ZEB1: variants seen among roughly 807,000 people sequenced by gnomAD.
The protein encoded by ZEB1 is zinc finger E-box binding homeobox 1.
In ZEB1, 21 loss-of-function variants were observed where a neutral mutation model predicts 84.9. That is an observed-to-expected ratio of 0.25 (90% CI 0.18 to 0.36). The LOEUF (loss-of-function observed/expected upper bound fraction) is 0.36, where lower values mean the gene tolerates loss of function less well. Ranked by LOEUF, ZEB1 falls within the 10% of genes least tolerant of loss-of-function variation. The pLI is 1.00. For synonymous variants in ZEB1, 420 were observed against 471.1 expected (o/e 0.89, Z 1.41); for missense variants, 1,104 against 1,330.2 (o/e 0.83, Z 2.65).
At chr10:31,359,324 T>C (rs1235678616) in intron 1 of ZEB1, among the ~76,000 whole-genome samples, 1 of 152,092 alleles carries the variant, frequency 6.6e-6, no homozygotes, top group Non-Finnish European at 1.5e-5. Context: ...GCATTTTTCT[T>C]AAAGTAAAAT....
At chr10:31,382,154 G>T (rs948046429) in intron 1 of ZEB1, among the ~76,000 whole-genome samples, 6 of 151,532 alleles carry the variant, frequency 4.0e-5, no homozygotes, top group African/African-American at 1.5e-4. Flanking sequence ...CTCTGCCTCT[G>T]CTTGCATGCC....
intron 1 of ZEB1, among the ~76,000 whole-genome samples, chr10:31,333,878 A>G (rs2037366682): frequency 6.6e-6 from 1 of 152,078 alleles, no homozygotes; most frequent in African/African-American, 2.4e-5. Flanking sequence ...TATTCCTGAC[A>G]CTACTAACCA....
chr10:31,476,843 T>C (rs1319769864), intron 2 of ZEB1, among the ~76,000 whole-genome samples: 1 of 152,022 alleles, frequency 6.6e-6, no homozygotes, highest in Non-Finnish European at 1.5e-5. Context: ...CAGAAGAGGC[T>C]GTTGGTAAAA....
chr10:31,519,047 A>G (rs905895572), intron 6 of ZEB1, among the ~76,000 whole-genome samples: 3 of 152,166 alleles, frequency 2.0e-5, no homozygotes, highest in African/African-American at 7.2e-5. Context: ...TAAGTAGACA[A>G]ATCAGTGTCA....
intron 5 of ZEB1, among the ~76,000 whole-genome samples, chr10:31,512,331 T>A (rs983313516): frequency 3.3e-5 from 5 of 152,156 alleles, no homozygotes; most frequent in Non-Finnish European, 7.3e-5. Context: ...AAATCTTTGA[T>A]GAGCATGAAA....
intron 1 of ZEB1, among the ~76,000 whole-genome samples, chr10:31,345,544 C>T (rs1341141317): frequency 6.6e-6 from 1 of 152,036 alleles, no homozygotes; most frequent in African/African-American, 2.4e-5. Flanking sequence ...AAGACAAAAC[C>T]AAATCAACTG....
intron 1 of ZEB1, among the ~76,000 whole-genome samples, chr10:31,356,346 T>A (rs1414116585): frequency 7.3e-6 from 1 of 137,606 alleles, no homozygotes; most frequent in Non-Finnish European, 1.5e-5. Context: ...TGGACATATA[T>A]GATGTGTATA....
intron 1 of ZEB1, among the ~76,000 whole-genome samples, chr10:31,427,042 TCTTA>T (rs769625064): frequency 1.3e-5 from 2 of 152,124 alleles, no homozygotes; most frequent in African/African-American, 2.4e-5. Context: ...TTGTAGTCTC[TCTTA>T]CTTCTTGGGT....
At chr10:31,321,634 G>A in intron 1 of ZEB1, 2 of 1,571,328 alleles carry the variant, frequency 1.3e-6, no homozygotes, top group Non-Finnish European at 1.8e-6. Flanking sequence ...TGTGTGACAT[G>A]TGAGTCTGAA....
intron 4 of ZEB1, among the ~76,000 whole-genome samples, chr10:31,508,164 G>A (rs1413263202): frequency 6.6e-6 from 1 of 152,168 alleles, no homozygotes; most frequent in Non-Finnish European, 1.5e-5. Context: ...CATTCCTTGG[G>A]CCCTAGCAGT....
At position 31,527,364 on chromosome 10, in the gene ZEB1, C is replaced by T; in HGVS notation, c.*100C>T. On this transcript the variant is annotated 3_prime_UTR_variant, in exon 9 of 9. Coordinates refer to ENST00000424869, the MANE Select transcript of ZEB1 (RefSeq NM_001174096.2). ...ACACAGTAACCTGTATGCTGTGATT[C>T]CTGTTCACTACTGTGTAAAGTAAAA... is the stretch of plus-strand genomic sequence containing the variant. The T allele has an allele frequency of 6.8e-7, 1 of 1,480,210 alleles. No homozygotes were observed. The highest frequency in any genetic ancestry group is 9.1e-7 in the Non-Finnish European group (1 of 1,100,464). 91.7% of individuals were successfully genotyped at this position (1,480,210 alleles called of 1,614,324 possible).
chr10:31,411,593 C>T (rs2054276772), intron 1 of ZEB1, among the ~76,000 whole-genome samples: 1 of 141,826 alleles, frequency 7.1e-6, no homozygotes, highest in South Asian at 2.3e-4. Flanking sequence ...GATTGCGCCA[C>T]TGCAGTCCGC....
chr10:31,443,593 T>C (rs2059331248), intron 1 of ZEB1, among the ~76,000 whole-genome samples: 1 of 127,726 alleles, frequency 7.8e-6, no homozygotes, highest in Non-Finnish European at 1.6e-5. Flanking sequence ...CCCCAGAGTG[T>C]GATATTCCCC....
chr10:31,435,929 G>C (rs554742726), intron 1 of ZEB1, among the ~76,000 whole-genome samples: 1 of 152,292 alleles, frequency 6.6e-6, no homozygotes, highest in South Asian at 2.1e-4. Context: ...TAGTGGCATT[G>C]GTGCCTGGAG....
chr10:31,331,278 G>A lies in ZEB1; in HGVS notation c.58+11986G>A, dbSNP rs1258758831. Among the ~76,000 whole-genome samples the A allele has an allele frequency of 3.3e-5, 5 of 151,388 alleles. No homozygotes were observed. The East Asian group carries it at 9.7e-4, about 29-fold the overall frequency. ...ATTTTTTGTATTTTTAGTAGAGATGGGGTTTCACCGTGTTAGCCAGGATGG... is the reference window on the plus strand; with the variant it reads ...ATTTTTTGTATTTTTAGTAGAGATGAGGTTTCACCGTGTTAGCCAGGATGG... On this transcript the variant is annotated intron_variant, in intron 1 of 8. Transcript: ENST00000424869.
intron 1 of ZEB1, among the ~76,000 whole-genome samples, chr10:31,399,221 C>G (rs1370193636): frequency 6.6e-6 from 1 of 152,124 alleles, no homozygotes; most frequent in Non-Finnish European, 1.5e-5. Flanking sequence ...TTTTGAACTC[C>G]TGACCTCAGG....
At chr10:31,337,233 A>C (rs2038299284) in intron 1 of ZEB1, among the ~76,000 whole-genome samples, 1 of 152,284 alleles carries the variant, frequency 6.6e-6, no homozygotes, top group South Asian at 2.1e-4. Context: ...AGAACACGCA[A>C]AATTAAGTAA....
At chr10:31,351,737 TA>T (rs1199007191) in intron 1 of ZEB1, among the ~76,000 whole-genome samples, 1 of 152,186 alleles carries the variant, frequency 6.6e-6, no homozygotes. Flanking sequence ...AGAGGTTATC[TA>T]AAAATATTCC....
chr10:31,360,985 G>A, intron 1 of ZEB1: 1 of 1,606,182 alleles, frequency 6.2e-7, no homozygotes, highest in Admixed American at 1.7e-5. Context: ...GTGGGTTCTG[G>A]TGGAGATGGT....
Sources: gnomAD v4.1 joint callset for allele counts (sites outside exome capture counted in the v4.1 genomes callset) on GRCh38, gnomAD v4.1.1 for gene constraint, MANE v1.5 for transcripts, NCBI Gene and HGNC (gene_info 2026-07-23, HGNC 2026-07-21) for gene names.